Variants in PAQR3 observed in about 807,000 individuals in gnomAD.
The protein encoded by PAQR3 is progestin and adipoQ receptor family member 3.
A neutral mutation model predicts 41.7 loss-of-function variants in PAQR3; 39 were observed. The ratio of observed to expected loss-of-function variants is 0.93; its 90% CI spans 0.72 to 1.22. The LOEUF is 1.22. PAQR3 is among the 50% of genes most tolerant of loss of function. The probability of loss-of-function intolerance (pLI) is 0.00; values close to 1 mark genes in which losing one functional copy is unlikely to be tolerated. For synonymous variants in PAQR3, 140 were observed against 140.6 expected, an observed-to-expected ratio of 1.00 and a Z score of 0.03; for missense variants, 366 against 385.6, an observed-to-expected ratio of 0.95 and a Z score of 0.42.
Position 78,930,368 on chromosome 4 carries a change from T to G in PAQR3, c.349-43A>C, listed in dbSNP as rs1310467298. ...AAATTAACAAAGTGACTAAAGAAAC[T>G]AAAGCAACTTATGCATGATATTCAG... On this transcript the variant is annotated intron_variant, in intron 2 of 5. Transcript: ENST00000512733. 5 of 1,559,232 alleles carry G rather than the reference T, an allele frequency of 3.2e-6. No homozygotes were observed. In the Admixed American group the frequency reaches 7.8e-5, roughly 24 times the overall value.
chr4:78,917,189 A>G lies in PAQR3; in HGVS notation c.*3350T>C, dbSNP rs914772850. The G allele has an allele frequency of 8.5e-5, 13 of 152,122 alleles. No homozygotes were observed. The highest frequency in any genetic ancestry group is 2.9e-4 in the African/African-American group (12 of 41,560). 9.4% of individuals were successfully genotyped at this position (152,122 alleles called of 1,614,324 possible). A position where few individuals can be genotyped will look rare whatever the true frequency, so the allele number is the denominator to read the frequency against. ...TACCTTTTTAAGGAAGCCCAGGTCA[A>G]GCATCATATGTAACATGTAGTTAAT... On this transcript the variant is annotated 3_prime_UTR_variant, in exon 6 of 6. Coordinates refer to ENST00000512733, the MANE Select transcript of PAQR3 (RefSeq NM_001040202.2).
intron 11 of PAQR3, among the ~76,000 whole-genome samples, chr4:78,905,760 C>CT (rs1043348200): frequency 8.6e-5 from 13 of 151,830 alleles, no homozygotes; most frequent in Non-Finnish European, 1.8e-4. Flanking sequence ...ATTATTTAAT[C>CT]TAACAACTAG....
intron 11 of PAQR3, among the ~76,000 whole-genome samples, chr4:78,898,005 A>T (rs1005957941): frequency 6.6e-6 from 1 of 152,140 alleles, no homozygotes; most frequent in Non-Finnish European, 1.5e-5. Context: ...GGGATTGGGA[A>T]ATGAGGAAAG....
At chr4:78,890,819 TCTC>T (rs1363932511) in intron 11 of PAQR3, among the ~76,000 whole-genome samples, 1 of 152,216 alleles carries the variant, frequency 6.6e-6, no homozygotes, top group East Asian at 1.9e-4. Context: ...CTGGAGCTCT[TCTC>T]ATCCTTTTTC....
chr4:78,921,029 G>C (rs541776626), intron 5 of PAQR3, among the ~76,000 whole-genome samples: 2 of 151,884 alleles, frequency 1.3e-5, no homozygotes, highest in African/African-American at 2.4e-5. Flanking sequence ...AAAGAAACCA[G>C]ATGTTAAAAA....
intron 11 of PAQR3, among the ~76,000 whole-genome samples, chr4:78,897,835 G>A (rs1350063306): frequency 1.3e-5 from 2 of 152,148 alleles, no homozygotes; most frequent in Non-Finnish European, 2.9e-5. Flanking sequence ...AAATCTAAAA[G>A]GATTATTATA....
intron 2 of PAQR3, among the ~76,000 whole-genome samples, chr4:78,930,958 T>C (rs938367811): frequency 1.3e-5 from 2 of 151,940 alleles, no homozygotes; most frequent in East Asian, 1.9e-4. Context: ...TGTTCCACAA[T>C]TGGCTTTTTT....
intron 1 of PAQR3, among the ~76,000 whole-genome samples, chr4:78,938,730 A>G (rs1737703760): frequency 6.6e-6 from 1 of 152,042 alleles, no homozygotes; most frequent in Non-Finnish European, 1.5e-5. Context: ...GCTCAGCCCC[A>G]TTTCAATATA....
downstream of PAQR3, among the ~76,000 whole-genome samples, chr4:78,909,900 G>A (rs529066446): frequency 5.3e-5 from 8 of 152,170 alleles, no homozygotes; most frequent in Non-Finnish European, 7.3e-5. Context: ...AGAAAATGAA[G>A]TGACTGAATG....
Position 78,920,681 on chromosome 4 carries a change from CCTGGAAAGAAG to C in PAQR3, c.794-11_794-1del, listed in dbSNP as rs1177771400. 6.3e-7 allele frequency: 1 copy of C among 1,597,154 alleles called. No homozygotes were observed. On this transcript the variant is annotated splice_acceptor_variant and splice_polypyrimidine_tract_variant and intron_variant, in intron 5 of 5. Coordinates refer to ENST00000512733, the MANE Select transcript of PAQR3 (RefSeq NM_001040202.2). LOFTEE classifies it high-confidence loss of function. ...GCTTGATCCGAGGTAGTTTAGTTGT[CCTGGAAAGAAG>C]GTAGAAAGAAAATGATAATGATTTC...
chr4:78,911,394 C>T, downstream of PAQR3: 1 of 1,614,016 alleles, frequency 6.2e-7, no homozygotes, highest in African/African-American at 1.3e-5. Flanking sequence ...AAAGTGAAAG[C>T]AATGAGGACC....
chr4:78,917,814 C>T lies in PAQR3; in HGVS notation c.*2725G>A, dbSNP rs963377680. On this transcript the variant is annotated 3_prime_UTR_variant, in exon 6 of 6. Coordinates refer to ENST00000512733, the MANE Select transcript of PAQR3 (RefSeq NM_001040202.2). ...CGGAAGTCAATCACAATCTTCAAAT[C>T]GGATATTCTGTCCAGGTGGGATGCC... 3 of 985,104 alleles carry T rather than the reference C, an allele frequency of 3.0e-6. No individual in the cohort carries two copies. The highest frequency in any genetic ancestry group is 3.6e-6 in the Non-Finnish European group (3 of 829,564). 61.0% of individuals were successfully genotyped at this position (985,104 alleles called of 1,614,324 possible). A position where few individuals can be genotyped will look rare whatever the true frequency, so the allele number is the denominator to read the frequency against.
Position 78,917,783 on chromosome 4 carries a change from G to A in PAQR3, c.*2756C>T. The A allele has an allele frequency of 1.0e-6, 1 of 982,328 alleles. No homozygotes were observed. The highest frequency in any genetic ancestry group is 1.2e-6 in the Non-Finnish European group (1 of 826,952). The allele number at this position is 982,328 out of a possible 1,614,324, so 60.9% of individuals were successfully genotyped here. A position where few individuals can be genotyped will look rare whatever the true frequency, so the allele number is the denominator to read the frequency against. ...TACCTGCCAAATGGAGAGTTGTACA[G>A]TTTTACGGAAGTCAATCACAATCTT... On this transcript the variant is annotated 3_prime_UTR_variant, in exon 6 of 6. Transcript: ENST00000512733.
chr4:78,927,353 A>G (rs112632038), intron 3 of PAQR3, among the ~76,000 whole-genome samples: 8 of 152,244 alleles, frequency 5.3e-5, no homozygotes, highest in Non-Finnish European at 8.8e-5. Context: ...GAATAGGATG[A>G]CATGGCTGTC....
At chr4:78,892,477 C>G (rs1733491706) in intron 11 of PAQR3, among the ~76,000 whole-genome samples, 2 of 152,120 alleles carry the variant, frequency 1.3e-5, no homozygotes, top group Non-Finnish European at 2.9e-5. Context: ...CCCTTTTTAT[C>G]AAACTTGCTA....
rs1734849212 is a variant in PAQR3 at position 78,914,156 on chromosome 4, C to G, written c.*6383G>C. On this transcript the variant is annotated 3_prime_UTR_variant, in exon 6 of 6. Transcript: ENST00000512733. Reference sequence around the variant, plus strand: ...GGTCTCTGCTAGACCTCATGAGTTTCATCATTTAGAAAAGGGGTAGAGGAT... The same window carrying G: ...GGTCTCTGCTAGACCTCATGAGTTTGATCATTTAGAAAAGGGGTAGAGGAT... 6.6e-6 allele frequency: 1 copy of G among 151,922 alleles called. No homozygotes were observed. Among genetic ancestry groups the G allele is most frequent in the Non-Finnish European group, 1.5e-5 (1 of 67,916 alleles). 9.4% of individuals were successfully genotyped at this position (151,922 alleles called of 1,614,324 possible). A position where few individuals can be genotyped will look rare whatever the true frequency, so the allele number is the denominator to read the frequency against.
chr4:78,934,128 T>C (rs1228648019), intron 2 of PAQR3, among the ~76,000 whole-genome samples: 1 of 152,176 alleles, frequency 6.6e-6, no homozygotes, highest in Non-Finnish European at 1.5e-5. Context: ...AAAATAATTT[T>C]CTAATAACAA....
Position 78,935,130 on chromosome 4 carries a change from G to C in PAQR3, c.339C>G (p.Phe113Leu), listed in dbSNP as rs1371337858. The part of the protein sequence containing the change: ...EDFVICSICL[F>L]CFQVCMLCSV... ...TTGTGAAATGACTTACCTGGAAGCAGAAAAGACAAATAGAACAAATTACAA... is the reference window on the plus strand; with the variant it reads ...TTGTGAAATGACTTACCTGGAAGCACAAAAGACAAATAGAACAAATTACAA... Residue 113 changes from phenylalanine to leucine, a missense_variant, in exon 2 of 6, where the codon TTC becomes TTG. Coordinates refer to ENST00000512733, the MANE Select transcript of PAQR3 (RefSeq NM_001040202.2). 1.9e-6 allele frequency: 3 copies of C among 1,612,390 alleles called. No individual in the cohort carries two copies. Among genetic ancestry groups the C allele is most frequent in the Non-Finnish European group, 2.5e-6 (3 of 1,179,470 alleles).
intron 11 of PAQR3, among the ~76,000 whole-genome samples, chr4:78,902,856 G>C (rs961324544): frequency 6.6e-6 from 1 of 151,744 alleles, no homozygotes; most frequent in African/African-American, 2.4e-5. Flanking sequence ...TGAATTTTTT[G>C]GTATAGTTTA....
Sources: allele counts gnomAD v4.1 joint callset (sites outside exome capture counted in the v4.1 genomes callset), GRCh38; gene constraint gnomAD v4.1.1; transcripts MANE v1.5; gene names NCBI Gene and HGNC (gene_info 2026-07-23, HGNC 2026-07-21).